The following AKR1C3 variants were observed in gnomAD, a reference collection of about 807,000 sequenced individuals.
AKR1C3 encodes the protein 3-alpha hydroxysteroid dehydrogenase, type II.
A neutral mutation model predicts 43.6 loss-of-function variants in AKR1C3; 48 were observed. The ratio of observed to expected loss-of-function variants is 1.10; its 90% CI spans 0.87 to 1.40. The LOEUF (loss-of-function observed/expected upper bound fraction) is 1.40, where lower values mean the gene tolerates loss of function less well. AKR1C3 is among the 40% of genes most tolerant of loss of function. AKR1C3 has a pLI of 0.00. For synonymous variants in AKR1C3, 162 were observed against 139.6 expected (o/e 1.16, Z -1.13); for missense variants, 482 against 391.2 (o/e 1.23, Z -1.96).
chr10:5,105,043 T>C (rs587703775), intron 7 of AKR1C3, among the ~76,000 whole-genome samples: 28 of 139,996 alleles, frequency 2.0e-4, no homozygotes, highest in Admixed American at 1.4e-3. Context: ...CCTCTTGATA[T>C]TTAAAGTCTC....
At chr10:5,066,277 A>C (rs1231466250) in intron 1 of AKR1C3, among the ~76,000 whole-genome samples, 2 of 152,168 alleles carry the variant, frequency 1.3e-5, no homozygotes, top group Non-Finnish European at 2.9e-5. Context: ...GGCTTAGTGC[A>C]TGAGCCCAGT....
At chr10:5,062,091 G>T (rs1425073445) in intron 1 of AKR1C3, among the ~76,000 whole-genome samples, 1 of 152,188 alleles carries the variant, frequency 6.6e-6, no homozygotes, top group Non-Finnish European at 1.5e-5. Flanking sequence ...AGCTAATCAT[G>T]GGGACATAAA....
intron 1 of AKR1C3, among the ~76,000 whole-genome samples, chr10:5,067,159 G>A (rs1554780869): frequency 6.6e-6 from 1 of 151,590 alleles, no homozygotes; most frequent in South Asian, 2.1e-4. Context: ...CACTTATAAG[G>A]CTGGCTGCAA....
At chr10:5,054,354 T>C (rs1838216214) in intron 1 of AKR1C3, among the ~76,000 whole-genome samples, 1 of 152,254 alleles carries the variant, frequency 6.6e-6, no homozygotes, top group Non-Finnish European at 1.5e-5. Flanking sequence ...TAGCCATTCC[T>C]AACCCTATAA....
At chr10:5,093,204 C>T (rs973845733), upstream of AKR1C3, among the ~76,000 whole-genome samples, 7 of 152,092 alleles carry the variant, frequency 4.6e-5, no homozygotes, top group Admixed American at 4.6e-4. Flanking sequence ...CATTTCTACT[C>T]AGCACCCCCA....
At chr10:5,081,185 C>T (rs1312469437) in intron 1 of AKR1C3, among the ~76,000 whole-genome samples, 1 of 152,050 alleles carries the variant, frequency 6.6e-6, no homozygotes, top group Non-Finnish European at 1.5e-5. Context: ...GAAGTTAGGG[C>T]CTTGTAATAC....
intron 1 of AKR1C3, among the ~76,000 whole-genome samples, chr10:5,055,629 C>T (rs1326582313): frequency 3.9e-5 from 6 of 152,206 alleles, no homozygotes; most frequent in East Asian, 3.8e-4. Flanking sequence ...GTGGGGTTGT[C>T]CCACGAGTCT....
At chr10:5,078,772 T>A (rs1257163589) in intron 1 of AKR1C3, among the ~76,000 whole-genome samples, 1 of 152,198 alleles carries the variant, frequency 6.6e-6, no homozygotes. Context: ...CTCTGCTTTG[T>A]GAATAGCATG....
intron 2 of AKR1C3, 39 bp from the exon 3 acceptor site, chr10:5,097,395 C>T: frequency 6.2e-7 from 1 of 1,604,470 alleles, no homozygotes; most frequent in South Asian, 1.1e-5. Context: ...TTTGCTCAAG[C>T]ATTCATTCAA....
intron 1 of AKR1C3, among the ~76,000 whole-genome samples, chr10:5,051,834 C>T (rs975520744): frequency 2.0e-5 from 3 of 152,182 alleles, no homozygotes; most frequent in African/African-American, 7.2e-5. Flanking sequence ...AAGGGAAAGA[C>T]AATAAATTTG....
At chr10:5,093,924 TTTTAAC>T (rs567516624), upstream of AKR1C3, 2 of 152,198 alleles carry the variant, frequency 1.3e-5, no homozygotes, top group South Asian at 2.1e-4. Context: ...ATTTTTACAG[TTTTAAC>T]TTTAATTTTT....
At chr10:5,081,859 T>C (rs914275974) in intron 1 of AKR1C3, 3 of 152,130 alleles carry the variant, frequency 2.0e-5, no homozygotes, top group African/African-American at 4.8e-5. Flanking sequence ...CTCAGCCCCA[T>C]GGGGAAGAGG....
At chr10:5,083,128 A>G (rs369363982) in intron 1 of AKR1C3, among the ~76,000 whole-genome samples, 2 of 152,088 alleles carry the variant, frequency 1.3e-5, no homozygotes, top group East Asian at 3.9e-4. Context: ...CACAACGTGC[A>G]GGTTTGTTAC....
chr10:5,064,840 C>G (rs1838462610), intron 1 of AKR1C3, among the ~76,000 whole-genome samples: 2 of 151,082 alleles, frequency 1.3e-5, no homozygotes, highest in Non-Finnish European at 2.9e-5. Context: ...CCATCTCATA[C>G]CAGTCAGAAT....
chr10:5,053,148 C>T lies in AKR1C3; in HGVS notation c.84+4253C>T, dbSNP rs184932874. Among the ~76,000 whole-genome samples the T allele has an allele frequency of 2.8e-3, 420 of 152,372 alleles. 4 individuals carry two copies. Among genetic ancestry groups the T allele is most frequent in the Admixed American group, 7.1e-3 (109 of 15,306 alleles). ...GCCAGTCCCGTGCCATGCGCCCGCACTCCTCAGCACTTGGGTGGTTGATGG... is the reference window on the plus strand; with the variant it reads ...GCCAGTCCCGTGCCATGCGCCCGCATTCCTCAGCACTTGGGTGGTTGATGG... On this transcript the variant is annotated intron_variant, in intron 1 of 8. Transcript: ENST00000439082.
At chr10:5,073,801 G>A (rs1164249896) in intron 1 of AKR1C3, among the ~76,000 whole-genome samples, 3 of 151,958 alleles carry the variant, frequency 2.0e-5, no homozygotes, top group Non-Finnish European at 4.4e-5. Flanking sequence ...CTTCCTCCTT[G>A]ACCTCACCCT....
intron 1 of AKR1C3, among the ~76,000 whole-genome samples, chr10:5,064,049 C>A (rs1838442461): frequency 6.6e-6 from 1 of 152,186 alleles, no homozygotes; most frequent in African/African-American, 2.4e-5. Flanking sequence ...AGTTTCTTTG[C>A]TCATCCATAA....
At chr10:5,077,760 G>A (rs1838744435) in intron 1 of AKR1C3, 4 of 1,067,926 alleles carry the variant, frequency 3.7e-6, no homozygotes, top group Admixed American at 4.3e-5. Context: ...CTCACTGCCA[G>A]TGCCCATTTA....
chr10:5,063,322 C>G (rs1838420234), intron 1 of AKR1C3, among the ~76,000 whole-genome samples: 1 of 151,986 alleles, frequency 6.6e-6, no homozygotes, highest in Non-Finnish European at 1.5e-5. Flanking sequence ...AAGTAAATTG[C>G]TATGATTTTA....
Sources: gnomAD v4.1 joint callset for allele counts (sites outside exome capture counted in the v4.1 genomes callset) on GRCh38, gnomAD v4.1.1 for gene constraint, MANE v1.5 for transcripts, NCBI Gene and HGNC (gene_info 2026-07-23, HGNC 2026-07-21) for gene names.